CACNA1B: variants seen among roughly 807,000 people sequenced by gnomAD.
CACNA1B encodes calcium voltage-gated channel subunit alpha1 B, also known as voltage-dependent N-type calcium channel subunit alpha-1B.
CACNA1B carries 70 observed loss-of-function variants against 247.2 expected under a neutral mutation model. That is an observed-to-expected ratio of 0.28 (90% confidence interval 0.23 to 0.35). CACNA1B has a LOEUF of 0.35. Ranked by LOEUF, CACNA1B falls within the 10% of genes least tolerant of loss-of-function variation. The pLI, the probability that CACNA1B is intolerant of heterozygous loss-of-function variation, is 1.00. For missense variants in CACNA1B, 2,367 were observed against 3,197.4 expected (o/e 0.74, Z 6.26); for synonymous variants, 1,231 against 1,294.4 (o/e 0.95, Z 1.05).
intron 31 of CACNA1B, chr9:138,068,569 GGT>G: frequency 1.9e-6 from 1 of 518,538 alleles, no homozygotes; most frequent in Non-Finnish European, 3.8e-6. Context: ...GAGAGGCACA[GGT>G]GGGCTGCATT....
Position 138,043,808 on chromosome 9 carries a change from G to C in CACNA1B, c.3321G>C (p.Gly1107=), listed in dbSNP as rs777060324. 2.5e-6 allele frequency: 4 copies of C among 1,613,822 alleles called. No homozygotes were observed. The highest frequency in any genetic ancestry group is 1.7e-5 in the Admixed American group (1 of 60,004). ...GNVDLESQAE[G]KKEVEADDVM... ...TGGACCTGGAAAGCCAAGCAGAGGG[G>C]AAGAAGGAGGTGGAAGCGGATGACG... Residue 1107 remains glycine (G), a synonymous_variant, in exon 21 of 47, where the codon GGG becomes GGC. Coordinates refer to ENST00000371372, the MANE Select transcript of CACNA1B (RefSeq NM_000718.4).
chr9:138,091,487 CTA>C (rs777640978), intron 36 of CACNA1B, among the ~76,000 whole-genome samples: 3 of 152,014 alleles, frequency 2.0e-5, no homozygotes, highest in Non-Finnish European at 4.4e-5. Context: ...TGTAGGGTGA[CTA>C]TAATTAACAA....
At chr9:137,977,785 C>T (rs1405991038) in intron 12 of CACNA1B, among the ~76,000 whole-genome samples, 1 of 152,162 alleles carries the variant, frequency 6.6e-6, no homozygotes, top group African/African-American at 2.4e-5. Context: ...ACTTCAAGCC[C>T]TCCCGTAAGG....
intron 23 of CACNA1B, 78 bp downstream of exon 23, chr9:138,047,536 G>A (rs1959194562): frequency 2.0e-6 from 2 of 985,674 alleles, no homozygotes; most frequent in East Asian, 2.4e-5. Context: ...CAGGGCAGTG[G>A]TTGAACCACA....
intron 38 of CACNA1B, among the ~76,000 whole-genome samples, chr9:138,103,087 A>G: frequency 6.6e-6 from 1 of 151,682 alleles, no homozygotes; most frequent in Non-Finnish European, 1.5e-5. Flanking sequence ...GGAAGACAGA[A>G]CTAGACCCTC....
chr9:137,992,577 A>G (rs1482347364), intron 15 of CACNA1B, among the ~76,000 whole-genome samples: 2 of 152,194 alleles, frequency 1.3e-5, no homozygotes, highest in East Asian at 1.9e-4. Context: ...ACTATACCCT[A>G]CAACAAATGG....
At chr9:138,053,633 A>C (rs11137355) in intron 25 of CACNA1B, among the ~76,000 whole-genome samples, 1 of 26,012 alleles carries the variant, frequency 3.8e-5, no homozygotes, top group Non-Finnish European at 7.5e-5. Context: ...TCATCATGGC[A>C]CCACCCTTCC....
chr9:138,047,069 G>A, intron 22 of CACNA1B, 36 bp downstream of exon 22: 1 of 1,574,790 alleles, frequency 6.4e-7, no homozygotes, highest in Non-Finnish European at 8.6e-7. Flanking sequence ...CCGCCAGGCT[G>A]TGGCGGGGGA....
At chr9:137,983,119 T>A (rs1182431336) in intron 12 of CACNA1B, among the ~76,000 whole-genome samples, 1 of 152,206 alleles carries the variant, frequency 6.6e-6, no homozygotes, top group Non-Finnish European at 1.5e-5. Context: ...AGCTTTGCAG[T>A]TGATGCGAAA....
chr9:137,920,894 A>AC (rs1424040524), intron 6 of CACNA1B, among the ~76,000 whole-genome samples: 1 of 152,216 alleles, frequency 6.6e-6, no homozygotes, highest in Admixed American at 6.5e-5. Context: ...ATCGGGAGAC[A>AC]CGAATTTACT....
At chr9:138,041,311 A>G (rs1238490232) in intron 20 of CACNA1B, among the ~76,000 whole-genome samples, 1 of 152,146 alleles carries the variant, frequency 6.6e-6, no homozygotes, top group Non-Finnish European at 1.5e-5. Flanking sequence ...TGGAAAGGGG[A>G]ACCTGTGCCA....
intron 31 of CACNA1B, among the ~76,000 whole-genome samples, chr9:138,068,121 G>T (rs968645969): frequency 2.0e-5 from 3 of 152,302 alleles, no homozygotes; most frequent in South Asian, 2.1e-4. Flanking sequence ...AAAGAAGCCT[G>T]CGGGCAGCCT....
At chr9:137,999,673 CT>C (rs1357694258) in intron 15 of CACNA1B, among the ~76,000 whole-genome samples, 1 of 152,116 alleles carries the variant, frequency 6.6e-6, no homozygotes. Context: ...CCATGCCCAG[CT>C]AATTTCTATT....
At position 138,121,021 on chromosome 9, in the gene CACNA1B, C is replaced by T; in HGVS notation, c.6489+140C>T. On this transcript the variant is annotated intron_variant, in intron 46 of 46. Transcript: ENST00000371372. The surrounding 1 kb of genome is among the most constrained non-coding windows in gnomAD (Gnocchi z 6.8). ...AGCAACCCAAGGGCCGGGCGCTCCCCTCTGTGCCCTGTCCCGGAGCCCACG... is the reference window on the plus strand; with the variant it reads ...AGCAACCCAAGGGCCGGGCGCTCCCTTCTGTGCCCTGTCCCGGAGCCCACG... The T allele has an allele frequency of 1.0e-6, 1 of 979,966 alleles. No homozygotes were observed. Among genetic ancestry groups the T allele is most frequent in the Non-Finnish European group, 1.5e-6 (1 of 677,950 alleles). The allele number at this position is 979,966 out of a possible 1,614,324, so 60.7% of individuals were successfully genotyped here. A position where few individuals can be genotyped will look rare whatever the true frequency, so the allele number is the denominator to read the frequency against.
At position 138,054,078 on chromosome 9, in the gene CACNA1B, AC is replaced by A; in HGVS notation, c.3968+74del. 6.9e-7 allele frequency: 1 copy of A among 1,451,138 alleles called. No homozygotes were observed. The highest frequency in any genetic ancestry group is 9.6e-7 in the Non-Finnish European group (1 of 1,036,872). The allele number at this position is 1,451,138 out of a possible 1,614,324, so 89.9% of individuals were successfully genotyped here. A position where few individuals can be genotyped will look rare whatever the true frequency, so the allele number is the denominator to read the frequency against. Reference sequence around the variant, plus strand: ...AGACAACACTGGGAGTTCCCTTGGGACCAGGTGGAGCTGGTCACACGGCGTG... The same window carrying A: ...AGACAACACTGGGAGTTCCCTTGGGACAGGTGGAGCTGGTCACACGGCGTG... On this transcript the variant is annotated intron_variant, in intron 26 of 46. Coordinates refer to ENST00000371372, the MANE Select transcript of CACNA1B (RefSeq NM_000718.4). This position sits in a 1 kb window ranked among gnomAD's most constrained non-coding sequence, Gnocchi z 4.6.
At chr9:137,920,813 AAGG>A (rs1957468905) in intron 6 of CACNA1B, among the ~76,000 whole-genome samples, 1 of 152,326 alleles carries the variant, frequency 6.6e-6, no homozygotes, top group African/African-American at 2.4e-5. Flanking sequence ...GATGTGAGAG[AAGG>A]AGAAGTCTCA....
intron 23 of CACNA1B, 29 bp from the exon 24 acceptor site, chr9:138,049,180 C>A: frequency 7.2e-7 from 1 of 1,387,692 alleles, no homozygotes; most frequent in Non-Finnish European, 1.0e-6. Flanking sequence ...TGGACTATGA[C>A]GTATCTAACG....
At position 138,041,345 on chromosome 9, in the gene CACNA1B, A is replaced by G. The variant is rs371346312; in HGVS notation, c.3287-2429A>G. 3.3e-5 allele frequency among the ~76,000 whole-genome samples: 5 copies of G among 152,318 alleles called. No individual in the cohort carries two copies. In the East Asian group the frequency reaches 9.6e-4, roughly 29 times the overall value. ...CATCGCATGCTGTTAGGGGGAGTAAAGCACCTGGGCCGTGTCTGGCATGTG... is the reference window on the plus strand; with the variant it reads ...CATCGCATGCTGTTAGGGGGAGTAAGGCACCTGGGCCGTGTCTGGCATGTG... On this transcript the variant is annotated intron_variant, in intron 20 of 46. Transcript: ENST00000371372.
At position 138,012,764 on chromosome 9, in the gene CACNA1B, T is replaced by C. The variant is rs1032777108; in HGVS notation, c.2161-365T>C. 3.3e-5 allele frequency among the ~76,000 whole-genome samples: 5 copies of C among 150,720 alleles called. No individual in the cohort carries two copies. The highest frequency in any genetic ancestry group is 1.2e-4 in the African/African-American group (5 of 40,906). ...AAAACAAAACAAACAAATGGAAATA[T>C]CCAGGCAGTGGCTGGGTACCTGGGT... On this transcript the variant is annotated intron_variant, in intron 17 of 46. Transcript: ENST00000371372. This position sits in a 1 kb window ranked among gnomAD's most constrained non-coding sequence, Gnocchi z 4.2.
Sources: gnomAD v4.1 joint callset for allele counts (sites outside exome capture counted in the v4.1 genomes callset) on GRCh38, gnomAD v4.1.1 for gene constraint, Gnocchi (gnomAD v3.1) non-coding constraint, MANE v1.5 for transcripts, NCBI Gene and HGNC (gene_info 2026-07-23, HGNC 2026-07-21) for gene names.